Variants in CCDC30 observed in about 807,000 individuals in gnomAD.
CCDC30 encodes coiled-coil domain containing 30.
A neutral mutation model predicts 100.2 loss-of-function variants in CCDC30; 70 were observed. The observed-to-expected ratio is 0.70, with a 90% CI of 0.58 to 0.85. The LOEUF (loss-of-function observed/expected upper bound fraction) is 0.85, where lower values mean the gene tolerates loss of function less well. Ranked by LOEUF, CCDC30 falls within the 40% of genes least tolerant of loss-of-function variation. The pLI, the probability that CCDC30 is intolerant of heterozygous loss-of-function variation, is 0.00. For synonymous variants in CCDC30, 233 were observed against 269.5 expected (o/e 0.86, Z 1.33); for missense variants, 652 against 771.2 (o/e 0.85, Z 1.83).
chr1:42,457,419 T>C, the CCDC30 span: 1 of 1,344,868 alleles, frequency 7.4e-7, no homozygotes. Flanking sequence ...CCTCTTGATC[T>C]GGAGATGGCC....
At chr1:42,573,199 A>T (rs1166609240) in intron 7 of CCDC30, among the ~76,000 whole-genome samples, 2 of 152,182 alleles carry the variant, frequency 1.3e-5, no homozygotes, top group African/African-American at 4.8e-5. Flanking sequence ...TTGGGATTTC[A>T]GTTGGAATTA....
chr1:42,485,432 T>C (rs1644034141), intron 3 of CCDC30, among the ~76,000 whole-genome samples: 1 of 152,202 alleles, frequency 6.6e-6, no homozygotes, highest in Non-Finnish European at 1.5e-5. Flanking sequence ...GTGTTTGATA[T>C]GGATCTTACA....
upstream of CCDC30, among the ~76,000 whole-genome samples, chr1:42,461,440 C>T (rs1350579857): frequency 6.6e-6 from 1 of 152,120 alleles, no homozygotes; most frequent in Non-Finnish European, 1.5e-5. Flanking sequence ...GACTCAAGCA[C>T]TCCTACTGCC....
chr1:42,529,938 A>G (rs1644781514), intron 6 of CCDC30, among the ~76,000 whole-genome samples: 1 of 152,366 alleles, frequency 6.6e-6, no homozygotes, highest in East Asian at 1.9e-4. Flanking sequence ...TAAGCAACTC[A>G]TAAGTTTTAA....
intron 12 of CCDC30, among the ~76,000 whole-genome samples, chr1:42,641,996 T>A (rs534950692): frequency 1.3e-5 from 2 of 151,930 alleles, no homozygotes; most frequent in Non-Finnish European, 2.9e-5. Flanking sequence ...GAGGCCAAGG[T>A]GGGCGGATCA....
chr1:42,522,900 G>A (rs1644669329), intron 6 of CCDC30, among the ~76,000 whole-genome samples: 1 of 151,754 alleles, frequency 6.6e-6, no homozygotes, highest in Non-Finnish European at 1.5e-5. Context: ...TTTTGAGATG[G>A]AGTCTCACTC....
At chr1:42,648,199 G>A (rs868723738) in intron 15 of CCDC30, among the ~76,000 whole-genome samples, 5 of 151,948 alleles carry the variant, frequency 3.3e-5, no homozygotes, top group East Asian at 1.9e-4. Flanking sequence ...CTCAGCCTCC[G>A]AAAGTGCTGG....
Position 42,544,575 on chromosome 1 carries a change from C to G in CCDC30, c.457-21721C>G, listed in dbSNP as rs572480116. Among the ~76,000 whole-genome samples the G allele has an allele frequency of 5.3e-5, 8 of 152,240 alleles. No homozygotes were observed. In the South Asian group the frequency reaches 1.5e-3, roughly 28 times the overall value. ...TGTCATATAGGCTGGAGTGCGGTGG[C>G]CTGATCTCGGCTCATTGCAATCTCC... On this transcript the variant is annotated intron_variant, in intron 6 of 16. Coordinates refer to ENST00000668663, the Ensembl canonical transcript of CCDC30.
chr1:42,574,667 G>C (rs778606621), intron 7 of CCDC30, among the ~76,000 whole-genome samples: 1 of 152,052 alleles, frequency 6.6e-6, no homozygotes, highest in Non-Finnish European at 1.5e-5. Flanking sequence ...ATAGTATAGA[G>C]TACTGGATTA....
intron 3 of CCDC30, among the ~76,000 whole-genome samples, chr1:42,485,430 T>C (rs1644034045): frequency 6.6e-6 from 1 of 152,184 alleles, no homozygotes; most frequent in African/African-American, 2.4e-5. Flanking sequence ...ATGTGTTTGA[T>C]ATGGATCTTA....
At chr1:42,498,360 TG>T in intron 5 of CCDC30, among the ~76,000 whole-genome samples, 1 of 152,318 alleles carries the variant, frequency 6.6e-6, no homozygotes, top group South Asian at 2.1e-4. Flanking sequence ...ATGGTGGTGA[TG>T]GTTGCACAAC....
At chr1:42,603,940 A>T (rs1015003492) in intron 10 of CCDC30, among the ~76,000 whole-genome samples, 3 of 152,194 alleles carry the variant, frequency 2.0e-5, no homozygotes, top group Admixed American at 2.0e-4. Flanking sequence ...GTTTGAAGGG[A>T]CACGCATAGT....
At chr1:42,611,830 G>T (rs1332135930) in intron 11 of CCDC30, among the ~76,000 whole-genome samples, 1 of 151,978 alleles carries the variant, frequency 6.6e-6, no homozygotes, top group African/African-American at 2.4e-5. Flanking sequence ...TCATGTACAG[G>T]CTCACCCAGC....
intron 10 of CCDC30, among the ~76,000 whole-genome samples, chr1:42,601,010 A>C (rs1049548469): frequency 6.6e-6 from 1 of 152,144 alleles, no homozygotes; most frequent in Non-Finnish European, 1.5e-5. Context: ...TTCTTCATAA[A>C]TTACCCAGTC....
At chr1:42,505,523 A>T (rs1644381178) in intron 6 of CCDC30, among the ~76,000 whole-genome samples, 1 of 152,264 alleles carries the variant, frequency 6.6e-6, no homozygotes, top group African/African-American at 2.4e-5. Flanking sequence ...AAAACAAATT[A>T]TGATAGGACC....
chr1:42,459,155 CTTTTT>C (rs11316113), upstream of CCDC30: 4 of 92,734 alleles, frequency 4.3e-5, no homozygotes, highest in Non-Finnish European at 6.0e-5. Flanking sequence ...AGAGCCAAGG[CTTTTT>C]TTTTTTTTTT....
chr1:42,650,628 A>G (rs1648270676), intron 15 of CCDC30, among the ~76,000 whole-genome samples: 1 of 151,850 alleles, frequency 6.6e-6, no homozygotes, highest in Admixed American at 6.6e-5. Flanking sequence ...GAGCTTAAAA[A>G]CAAACCCACA....
intron 6 of CCDC30, among the ~76,000 whole-genome samples, chr1:42,514,367 T>G (rs1338714174): frequency 6.6e-6 from 1 of 152,214 alleles, no homozygotes; most frequent in Non-Finnish European, 1.5e-5. Context: ...ATCAGCAGTG[T>G]ATGAGGGTTG....
chr1:42,560,828 C>T (rs1645472266), intron 6 of CCDC30, among the ~76,000 whole-genome samples: 1 of 152,146 alleles, frequency 6.6e-6, no homozygotes, highest in South Asian at 2.1e-4. Flanking sequence ...TTATAAACAC[C>T]TCTATGCAAA....
Sources: allele counts gnomAD v4.1 joint callset (sites outside exome capture counted in the v4.1 genomes callset), GRCh38; gene constraint gnomAD v4.1.1; transcripts MANE v1.5; gene names NCBI Gene and HGNC (gene_info 2026-07-23, HGNC 2026-07-21).